Variants in TAFA2 observed in about 807,000 individuals in gnomAD.
TAFA2 encodes TAFA chemokine like family member 2.
TAFA2 carries 7 observed loss-of-function variants against 18.8 expected under a neutral mutation model. That is an observed-to-expected ratio of 0.37 (90% CI 0.21 to 0.70). The LOEUF is 0.70. Ranked by LOEUF, TAFA2 falls within the 30% of genes least tolerant of loss-of-function variation. The probability of loss-of-function intolerance (pLI) is 0.53; values close to 1 mark genes in which losing one functional copy is unlikely to be tolerated. For missense variants in TAFA2, 122 were observed against 158.1 expected (o/e 0.77, Z 1.23); for synonymous variants, 60 against 54.2 (o/e 1.11, Z -0.47).
chr12:61,835,486 T>C (rs770458807), intron 2 of TAFA2, among the ~76,000 whole-genome samples: 1 of 152,000 alleles, frequency 6.6e-6, no homozygotes. Context: ...ATAGTGAACA[T>C]AGTAGTACCC....
intron 1 of TAFA2, among the ~76,000 whole-genome samples, chr12:62,164,855 G>A (rs1462046010): frequency 1.3e-5 from 2 of 151,978 alleles, no homozygotes; most frequent in Non-Finnish European, 2.9e-5. Context: ...TGGCACAGAG[G>A]GCTAAACAAA....
chr12:61,771,561 A>T (rs1870024059), intron 2 of TAFA2, among the ~76,000 whole-genome samples: 1 of 152,222 alleles, frequency 6.6e-6, no homozygotes, highest in East Asian at 1.9e-4. Context: ...AAAACTGGAA[A>T]GCAACTCCAA....
At chr12:61,778,696 C>T (rs1870378648) in intron 2 of TAFA2, among the ~76,000 whole-genome samples, 1 of 151,854 alleles carries the variant, frequency 6.6e-6, no homozygotes, top group Admixed American at 6.6e-5. Flanking sequence ...GTTATGTCGA[C>T]CTGGGTTTGA....
chr12:62,154,333 T>C (rs1440897157), intron 1 of TAFA2, among the ~76,000 whole-genome samples: 1 of 152,118 alleles, frequency 6.6e-6, no homozygotes, highest in Non-Finnish European at 1.5e-5. Flanking sequence ...GAGAAGCTTT[T>C]TTGGAGGAGA....
chr12:61,710,912 CAATTATATTTGAAAAATTATATTTGAAA>C (rs56245378), intron 4 of TAFA2, among the ~76,000 whole-genome samples: 1 of 150,784 alleles, frequency 6.6e-6, no homozygotes, highest in African/African-American at 2.4e-5. Context: ...TTATTTGAGT[CAATTATATTTGAAAAATTATATTTGAAA>C]AATTATATTT....
intron 1 of TAFA2, among the ~76,000 whole-genome samples, chr12:62,035,912 T>C (rs1439020028): frequency 6.6e-6 from 1 of 151,508 alleles, no homozygotes; most frequent in Non-Finnish European, 1.5e-5. Flanking sequence ...CGGCTAATTT[T>C]TGTATTTTTA....
chr12:61,717,123 C>G (rs1355293910), intron 4 of TAFA2, among the ~76,000 whole-genome samples: 1 of 152,008 alleles, frequency 6.6e-6, no homozygotes, highest in South Asian at 2.1e-4. Flanking sequence ...GTGCTAAATG[C>G]GCAATTAAAA....
chr12:61,906,016 A>G (rs1239644016), intron 1 of TAFA2, among the ~76,000 whole-genome samples: 1 of 152,246 alleles, frequency 6.6e-6, no homozygotes, highest in Non-Finnish European at 1.5e-5. Flanking sequence ...CAAAGAAAGT[A>G]TACTAATTCA....
chr12:61,784,702 C>CAA (rs61370214), intron 2 of TAFA2, among the ~76,000 whole-genome samples: 122 of 147,938 alleles, frequency 8.2e-4, no homozygotes, highest in African/African-American at 1.4e-3. Context: ...TCCCATTTTT[C>CAA]AAAAAAAAAA....
intron 2 of TAFA2, among the ~76,000 whole-genome samples, chr12:61,851,900 A>G (rs898670793): frequency 2.7e-5 from 4 of 146,658 alleles, no homozygotes; most frequent in Non-Finnish European, 6.0e-5. Flanking sequence ...AATGGATAAG[A>G]GTCAGGACAT....
At chr12:62,061,653 G>A (rs1461487112) in intron 1 of TAFA2, among the ~76,000 whole-genome samples, 1 of 152,174 alleles carries the variant, frequency 6.6e-6, no homozygotes, top group African/African-American at 2.4e-5. Context: ...TTGTCACTAG[G>A]AGGTTACTCA....
intron 1 of TAFA2, among the ~76,000 whole-genome samples, chr12:61,930,292 T>A (rs1254127483): frequency 1.3e-5 from 2 of 152,148 alleles, no homozygotes; most frequent in Admixed American, 6.6e-5. Flanking sequence ...AAGCCTTGTT[T>A]CCCAGAGCAC....
chr12:62,234,571 C>T (rs151182785), intron 1 of TAFA2: 98 of 829,872 alleles, frequency 1.2e-4, no homozygotes, highest in Non-Finnish European at 1.3e-4. Flanking sequence ...CTCATTAGAA[C>T]GGAAGAAAGA....
chr12:61,742,641 A>AC (rs1473027950), intron 4 of TAFA2, among the ~76,000 whole-genome samples: 1 of 152,022 alleles, frequency 6.6e-6, no homozygotes, highest in South Asian at 2.1e-4. Flanking sequence ...TTTCAATACC[A>AC]CCTAGGGAAT....
At chr12:62,187,641 G>T (rs2062595372) in intron 1 of TAFA2, among the ~76,000 whole-genome samples, 1 of 152,130 alleles carries the variant, frequency 6.6e-6, no homozygotes, top group African/African-American at 2.4e-5. Context: ...AAGAAGACAA[G>T]AATTGTTTAT....
At chr12:62,026,324 T>C (rs1000323911) in intron 1 of TAFA2, among the ~76,000 whole-genome samples, 5 of 152,046 alleles carry the variant, frequency 3.3e-5, no homozygotes, top group African/African-American at 1.2e-4. Flanking sequence ...AAACATAAGT[T>C]CCTTTGAGGT....
At chr12:62,097,890 A>G (rs564322315) in intron 1 of TAFA2, among the ~76,000 whole-genome samples, 71 of 152,292 alleles carry the variant, frequency 4.7e-4, no homozygotes, top group Middle Eastern at 3.4e-3. Context: ...CAAGATTCCC[A>G]GAGGCTGCTT....
At chr12:62,234,634 A>G (rs572280824) in intron 1 of TAFA2, 19 of 838,024 alleles carry the variant, frequency 2.3e-5, no homozygotes, top group Non-Finnish European at 3.6e-5. Flanking sequence ...ATGTGCTTGC[A>G]CTGGTGGCTA....
chr12:61,845,305 A>G (rs1282314385), intron 2 of TAFA2, among the ~76,000 whole-genome samples: 1 of 152,120 alleles, frequency 6.6e-6, no homozygotes, highest in Non-Finnish European at 1.5e-5. Flanking sequence ...TAATAGCTTT[A>G]ATGAGGTTCC....
Sources: gnomAD v4.1 joint callset for allele counts (sites outside exome capture counted in the v4.1 genomes callset) on GRCh38, gnomAD v4.1.1 for gene constraint, MANE v1.5 for transcripts, NCBI Gene and HGNC (gene_info 2026-07-23, HGNC 2026-07-21) for gene names.